SUGCT: variants seen among roughly 807,000 people sequenced by gnomAD.
SUGCT encodes succinyl-CoA:glutarate CoA-transferase.
A neutral mutation model predicts 55.0 loss-of-function variants in SUGCT; 41 were observed. That is an observed-to-expected ratio of 0.74 (90% CI 0.58 to 0.97). The LOEUF (loss-of-function observed/expected upper bound fraction) is 0.97, where lower values mean the gene tolerates loss of function less well. SUGCT is among the 50% of genes least tolerant of loss of function. The pLI, the probability that SUGCT is intolerant of heterozygous loss-of-function variation, is 0.00. For synonymous variants in SUGCT, 187 were observed against 200.4 expected, an observed-to-expected ratio of 0.93 and a Z score of 0.56; for missense variants, 568 against 547.8, an observed-to-expected ratio of 1.04 and a Z score of -0.37.
intron 8 of SUGCT, among the ~76,000 whole-genome samples, chr7:40,292,600 A>G (rs529340017): frequency 9.1e-4 from 138 of 152,330 alleles, no homozygotes; most frequent in African/African-American, 3.0e-3. Flanking sequence ...CCAGGTCACA[A>G]TAGTAAAATG....
intron 9 of SUGCT, among the ~76,000 whole-genome samples, chr7:40,376,738 T>A (rs1784565915): frequency 2.3e-5 from 2 of 86,004 alleles, no homozygotes; most frequent in Admixed American, 3.2e-4. Context: ...TATAAAGATA[T>A]AATCACTCTT....
At chr7:40,330,119 C>T (rs1362353096) in intron 9 of SUGCT, among the ~76,000 whole-genome samples, 1 of 152,160 alleles carries the variant, frequency 6.6e-6, no homozygotes. Flanking sequence ...ATTTGATCTC[C>T]GTAGACATTA....
chr7:40,194,598 T>A (rs1786133851), intron 5 of SUGCT, among the ~76,000 whole-genome samples: 3 of 152,192 alleles, frequency 2.0e-5, no homozygotes, highest in African/African-American at 2.4e-5. Flanking sequence ...TTAAAAAATG[T>A]TTTTCATTGA....
chr7:40,743,136 A>G (rs368703520), intron 12 of SUGCT, among the ~76,000 whole-genome samples: 5 of 151,984 alleles, frequency 3.3e-5, no homozygotes, highest in Non-Finnish European at 5.9e-5. Context: ...GTGTCTTAAA[A>G]TATGTACAGT....
intron 12 of SUGCT, among the ~76,000 whole-genome samples, chr7:40,723,783 G>A (rs1019993729): frequency 6.6e-6 from 1 of 152,124 alleles, no homozygotes; most frequent in Non-Finnish European, 1.5e-5. Context: ...GACACATATT[G>A]AAGATATTCA....
intron 1 of SUGCT, among the ~76,000 whole-genome samples, chr7:40,161,449 A>G (rs894997239): frequency 2.6e-5 from 4 of 152,236 alleles, no homozygotes; most frequent in East Asian, 3.9e-4. Context: ...CACCCCATGC[A>G]TATTTTTTTT....
At chr7:40,337,346 G>A (rs1796772738) in intron 9 of SUGCT, among the ~76,000 whole-genome samples, 1 of 152,026 alleles carries the variant, frequency 6.6e-6, no homozygotes, top group Admixed American at 6.6e-5. Context: ...TTGACAGTGG[G>A]GTGTTAAAGT....
At chr7:40,842,889 TGAGACTA>T (rs1189051111) in intron 13 of SUGCT, among the ~76,000 whole-genome samples, 1 of 152,202 alleles carries the variant, frequency 6.6e-6, no homozygotes, top group Non-Finnish European at 1.5e-5. Context: ...CTTGTCTACA[TGAGACTA>T]TTTTGGTTCA....
Position 40,321,189 on chromosome 7 carries a change from C to T in SUGCT, c.816+4334C>T, listed in dbSNP as rs536989711. On this transcript the variant is annotated intron_variant, in intron 9 of 13. Coordinates refer to ENST00000335693, the MANE Select transcript of SUGCT (RefSeq NM_001193313.2). ...CTCCTCGGTTCAAGTGATTCTCCCC[C>T]CTCGGCCTCCTGAGTAGCTGGGATT... Among the ~76,000 whole-genome samples, 6 of 150,808 alleles carry T rather than the reference C, an allele frequency of 4.0e-5. No homozygotes were observed. In the South Asian group the frequency reaches 1.0e-3, roughly 26 times the overall value.
rs182103467 is a variant in SUGCT at position 40,381,644 on chromosome 7, G to A, written c.816+64789G>A. Among the ~76,000 whole-genome samples, 64 of 152,188 alleles carry A rather than the reference G, an allele frequency of 4.2e-4. 1 individual carries two copies. The highest frequency in any genetic ancestry group is 3.2e-3 in the Admixed American group (49 of 15,268). On this transcript the variant is annotated intron_variant, in intron 9 of 13. Transcript: ENST00000335693. ...CTAGATTCAATCATGTTGTGGTAGT[G>A]TGGATGTAATGAAACTTACTACATT... is the stretch of plus-strand genomic sequence containing the variant.
At chr7:40,588,227 C>G (rs192300182) in intron 12 of SUGCT, among the ~76,000 whole-genome samples, 4 of 150,542 alleles carry the variant, frequency 2.7e-5, no homozygotes, top group South Asian at 4.2e-4. Flanking sequence ...TAAGAAAATT[C>G]TCTTTTTTTT....
intron 13 of SUGCT, among the ~76,000 whole-genome samples, chr7:40,825,886 G>A (rs145465537): frequency 1.2e-3 from 186 of 152,234 alleles, no homozygotes; most frequent in African/African-American, 4.2e-3. Context: ...CTACATGCCC[G>A]TATTTATAAA....
At chr7:40,772,046 G>T (rs1431792741) in intron 13 of SUGCT, among the ~76,000 whole-genome samples, 1 of 152,094 alleles carries the variant, frequency 6.6e-6, no homozygotes, top group African/African-American at 2.4e-5. Flanking sequence ...TATGCCTGTT[G>T]TCCAAGCATA....
chr7:40,587,967 A>G (rs1213694232), intron 12 of SUGCT, among the ~76,000 whole-genome samples: 3 of 150,574 alleles, frequency 2.0e-5, no homozygotes, highest in Non-Finnish European at 2.9e-5. Context: ...CAGTGGTGCA[A>G]TCACAGCTCA....
chr7:40,180,526 G>T (rs1279516856), intron 1 of SUGCT, among the ~76,000 whole-genome samples: 3 of 149,686 alleles, frequency 2.0e-5, no homozygotes, highest in African/African-American at 7.4e-5. Flanking sequence ...GCCTTGCTCT[G>T]TCGCCCAGGC....
At chr7:40,869,742 C>T in the SUGCT span, among the ~76,000 whole-genome samples, 3 of 152,254 alleles carry the variant, frequency 2.0e-5, no homozygotes, top group African/African-American at 7.2e-5. Flanking sequence ...TTCTTAGTCT[C>T]CTCCAATCTG....
intron 8 of SUGCT, among the ~76,000 whole-genome samples, chr7:40,291,554 T>C (rs1405066533): frequency 6.6e-6 from 1 of 150,392 alleles, no homozygotes; most frequent in Non-Finnish European, 1.5e-5. Context: ...TACCTAATGT[T>C]AAATGGCGAG....
the SUGCT span, among the ~76,000 whole-genome samples, chr7:41,004,657 G>A: frequency 0.031 from 4,712 of 152,224 alleles, 96 homozygotes; most frequent in Middle Eastern, 0.071. Flanking sequence ...GAGCTATCAG[G>A]GACATCAGTA....
rs558226522 is a variant in SUGCT at position 40,663,455 on chromosome 7, C to T, written c.1090-85979C>T. On this transcript the variant is annotated intron_variant, in intron 12 of 13. Coordinates refer to ENST00000335693, the MANE Select transcript of SUGCT (RefSeq NM_001193313.2). The stretch of plus-strand genomic sequence containing the variant: ...TCTCTGTCTCTTTGTCTTCTTTTCT[C>T]ACTATATTCACCAAATTACTTTGTG... Among the ~76,000 whole-genome samples the T allele has an allele frequency of 3.4e-4, 51 of 151,514 alleles. 3 individuals carry two copies. The South Asian group carries it at 0.01, about 30-fold the overall frequency.
Sources: allele counts gnomAD v4.1 joint callset (sites outside exome capture counted in the v4.1 genomes callset), GRCh38; gene constraint gnomAD v4.1.1; transcripts MANE v1.5; gene names NCBI Gene and HGNC (gene_info 2026-07-23, HGNC 2026-07-21).